RALGDS: variants seen among roughly 807,000 people sequenced by gnomAD.
RALGDS encodes ral guanine nucleotide exchange factor.
A neutral mutation model predicts 99.8 loss-of-function variants in RALGDS; 44 were observed. That is an observed-to-expected ratio of 0.44 (90% CI 0.35 to 0.57). The LOEUF is 0.57. RALGDS is among the 20% of genes least tolerant of loss of function. The pLI, the probability that RALGDS is intolerant of heterozygous loss-of-function variation, is 0.01. For synonymous variants in RALGDS, 529 were observed against 505.0 expected, an observed-to-expected ratio of 1.05 and a Z score of -0.64; for missense variants, 1,022 against 1,203.1, an observed-to-expected ratio of 0.85 and a Z score of 2.23.
intron 1 of RALGDS, among the ~76,000 whole-genome samples, chr9:133,115,189 C>A (rs1831537004): frequency 6.6e-6 from 1 of 152,234 alleles, no homozygotes. Context: ...CTCCTCCCAG[C>A]ATCAGCCTTC....
At chr9:133,136,866 GGTGGAGGTTGCA>G (rs1197443109) in intron 1 of RALGDS, among the ~76,000 whole-genome samples, 2 of 152,228 alleles carry the variant, frequency 1.3e-5, no homozygotes, top group Admixed American at 6.5e-5. Flanking sequence ...AAATCCAGGA[GGTGGAGGTTGCA>G]GTGAGCTGAG....
chr9:133,105,867 GCC>G (rs1831017395), intron 9 of RALGDS, 63 bp downstream of exon 9: 1 of 7,298 alleles, frequency 1.4e-4, no homozygotes, highest in African/African-American at 6.7e-4. Flanking sequence ...CCCAGCCCCA[GCC>G]CCCGCCCCAG....
intron 1 of RALGDS, among the ~76,000 whole-genome samples, chr9:133,127,622 T>G (rs1832202107): frequency 1.3e-5 from 2 of 152,218 alleles, no homozygotes; most frequent in Non-Finnish European, 2.9e-5. Flanking sequence ...GTGACGCAGC[T>G]GGACCACGCG....
exon 1 of RALGDS, chr9:133,131,024 C>T (rs1564251498): frequency 6.5e-7 from 1 of 1,534,918 alleles, no homozygotes; most frequent in Non-Finnish European, 8.7e-7. Context: ...GGGAGCAGAA[C>T]AGCAGAGGCG....
intron 16 of RALGDS, 78 bp downstream of exon 16, chr9:133,101,442 G>A (rs1418655972): frequency 1.9e-6 from 3 of 1,602,544 alleles, no homozygotes; most frequent in African/African-American, 2.7e-5. Flanking sequence ...ACCCCGGGAG[G>A]GCAGGGATGG....
chr9:133,109,265 C>T (rs1316625905), intron 4 of RALGDS, among the ~76,000 whole-genome samples: 1 of 152,186 alleles, frequency 6.6e-6, no homozygotes, highest in African/African-American at 2.4e-5. Flanking sequence ...TGCAGCCTGC[C>T]CACTGAGCAC....
chr9:133,101,510 G>T lies in RALGDS; in HGVS notation c.2454+10C>A. On this transcript the variant is annotated intron_variant, in intron 16 of 17. Coordinates refer to ENST00000372050, the MANE Select transcript of RALGDS (RefSeq NM_006266.4). Reference sequence around the variant, plus strand: ...GGAGGGAGGCACCCAGGCCACCCCCGCCGGCTTACCAGGATGCTCTTGTAC... The same window carrying T: ...GGAGGGAGGCACCCAGGCCACCCCCTCCGGCTTACCAGGATGCTCTTGTAC... 1.9e-6 allele frequency: 3 copies of T among 1,611,126 alleles called. No individual in the cohort carries two copies. Among genetic ancestry groups the T allele is most frequent in the Non-Finnish European group, 2.5e-6 (3 of 1,179,814 alleles).
intron 1 of RALGDS, among the ~76,000 whole-genome samples, chr9:133,126,323 G>A (rs904743973): frequency 3.9e-5 from 6 of 152,278 alleles, no homozygotes; most frequent in South Asian, 2.1e-4. Flanking sequence ...GACGCTGCTC[G>A]CAGAGGAACT....
At position 133,121,113 on chromosome 9, in the gene RALGDS, G is replaced by A. The variant is rs1396553581; in HGVS notation, c.42C>T (p.Gly14=). The change falls in exon 1 of 18, where the codon GGC becomes GGT. Residue 14 remains glycine, a synonymous_variant. Coordinates refer to ENST00000372050, the MANE Select transcript of RALGDS (RefSeq NM_006266.4). ...RMWAEAAGPA[G]GAEPLFPGSR... ...AGCCCGGAAACAGCGGCTCGGCGCC[G>A]CCAGCAGGCCCGGCCGCCTCGGCCC... 8 of 1,466,366 alleles carry A rather than the reference G, an allele frequency of 5.5e-6. No individual in the cohort carries two copies. Among genetic ancestry groups the A allele is most frequent in the Non-Finnish European group, 7.2e-6 (8 of 1,114,478 alleles). The allele number at this position is 1,466,366 out of a possible 1,614,324, so 90.8% of individuals were successfully genotyped here. A position where few individuals can be genotyped will look rare whatever the true frequency, so the allele number is the denominator to read the frequency against.
In RALGDS at chr9:133,104,253, G is replaced by A; in HGVS notation, c.1671+10C>T. 6.2e-7 allele frequency: 1 copy of A among 1,612,132 alleles called. No individual in the cohort carries two copies. Among genetic ancestry groups the A allele is most frequent in the African/African-American group, 1.3e-5 (1 of 75,016 alleles). ...GCCCCCTGCCCCTCCGCGGCCTTGG[G>A]CACTCTCACCGTCTCCTTCGGCCGT... On this transcript the variant is annotated intron_variant, in intron 10 of 17. Transcript: ENST00000372050.
chr9:133,101,522 G>A lies in RALGDS; in HGVS notation c.2452C>T (p.Leu818=), dbSNP rs775311005. ...CCAGGCCACCCCCGCCGGCTTACCAGGATGCTCTTGTACATGTTGCCATTG... is the reference window on the plus strand; with the variant it reads ...CCAGGCCACCCCCGCCGGCTTACCAAGATGCTCTTGTACATGTTGCCATTG... The part of the protein sequence containing the change: ...VDNGNMYKSI[L]VTSQDKAPAV... Residue 818 remains leucine (L), a splice_region_variant and synonymous_variant, in exon 16 of 18, where the codon CTG becomes TTG. Coordinates refer to ENST00000372050, the MANE Select transcript of RALGDS (RefSeq NM_006266.4). 1 of 1,611,928 alleles carries A rather than the reference G, an allele frequency of 6.2e-7. No homozygotes were observed.
upstream of RALGDS, among the ~76,000 whole-genome samples, chr9:133,121,858 C>A (rs557330809): frequency 6.6e-6 from 1 of 152,342 alleles, no homozygotes; most frequent in African/African-American, 2.4e-5. Context: ...TGTTCAGTGA[C>A]CCTGTCAGTG....
At position 133,100,278 on chromosome 9, in the gene RALGDS, T is replaced by C. The variant is rs774923050; in HGVS notation, c.2559A>G (p.Ser853=). ...GGTCTTCTGACTTACTCCGGTCATC[T>C]GAGAGAATCTGCAGCAGCTCATAGT... ...PEDYELLQIL[S]DDRKLKIPEN... Residue 853 remains serine, a synonymous_variant, in exon 17 of 18, where the codon TCA becomes TCG. Transcript: ENST00000372050. The C allele has an allele frequency of 6.2e-7, 1 of 1,614,164 alleles. No individual in the cohort carries two copies. Among genetic ancestry groups the C allele is most frequent in the Non-Finnish European group, 8.5e-7 (1 of 1,179,970 alleles).
chr9:133,121,339 G>A (rs1831936478), upstream of RALGDS: 3 of 602,088 alleles, frequency 5.0e-6, no homozygotes, highest in Admixed American at 6.4e-5. Flanking sequence ...GAGTCCGAGG[G>A]ACGCGTGCGT....
chr9:133,111,682 T>C lies in RALGDS; in HGVS notation c.294+360A>G, dbSNP rs377381638. On this transcript the variant is annotated intron_variant, in intron 2 of 17. Transcript: ENST00000372050. ...CTCCAGCCTCCCTTCTGGAATATTA[T>C]GCAGCTGAGTCAGGCCCCGGCTCTC... 3.1e-3 allele frequency among the ~76,000 whole-genome samples: 476 copies of C among 152,318 alleles called. 2 individuals are homozygous for C. The highest frequency in any genetic ancestry group is 9.6e-3 in the African/African-American group (398 of 41,570).
chr9:133,124,693 C>T (rs906230713), upstream of RALGDS, among the ~76,000 whole-genome samples: 5 of 152,218 alleles, frequency 3.3e-5, no homozygotes, highest in African/African-American at 1.2e-4. Context: ...ATCGGGCGGG[C>T]CTGACTCTGC....
At chr9:133,106,235 G>A (rs1168929023) in intron 8 of RALGDS, among the ~76,000 whole-genome samples, 1 of 151,866 alleles carries the variant, frequency 6.6e-6, no homozygotes, top group African/African-American at 2.4e-5. Flanking sequence ...TTTCCAAAGG[G>A]GTTTTTTTCT....
At chr9:133,100,544 T>C (rs1830708556) in intron 16 of RALGDS, 162 bp from the exon 17 acceptor site, 2 of 1,502,684 alleles carry the variant, frequency 1.3e-6, no homozygotes, top group African/African-American at 2.8e-5. Context: ...CACATTCTCC[T>C]ACTCCCCAAG....
In RALGDS at chr9:133,108,022, T is replaced by G. The variant is rs537773424; in HGVS notation, c.1163A>C (p.Asp388Ala). Residue 388 changes from aspartate (D) to alanine (A), a missense_variant, in exon 6 of 18, where the codon GAT becomes GCT. Transcript: ENST00000372050. ...EKPHLLVFPP[D>A]LVAEQFTLMD... is the part of the protein sequence containing the mutation. ...CAGTGTAAACTGCTCTGCCACCAGA[T>G]CTGGAGGGAACACCAAGAGGTGAGG... The G allele has an allele frequency of 5.0e-6, 8 of 1,613,402 alleles. No individual in the cohort carries two copies. In the African/African-American group the frequency reaches 1.1e-4, roughly 21 times the overall value.
Sources: gnomAD v4.1 joint callset for allele counts (sites outside exome capture counted in the v4.1 genomes callset) on GRCh38, gnomAD v4.1.1 for gene constraint, MANE v1.5 for transcripts, NCBI Gene and HGNC (gene_info 2026-07-23, HGNC 2026-07-21) for gene names.